The following SLC24A3 variants were observed in gnomAD, a reference collection of about 807,000 sequenced individuals.
SLC24A3 encodes sodium/potassium/calcium exchanger 3.
In SLC24A3, 28 loss-of-function variants were observed where a neutral mutation model predicts 75.8. The observed-to-expected ratio is 0.37, with a 90% CI of 0.27 to 0.51. The LOEUF (loss-of-function observed/expected upper bound fraction) is 0.51. SLC24A3 is among the 20% of genes least tolerant of loss of function. The pLI is 0.94. For synonymous variants in SLC24A3, 372 were observed against 334.1 expected, an observed-to-expected ratio of 1.11 and a Z score of -1.24; for missense variants, 663 against 847.8, an observed-to-expected ratio of 0.78 and a Z score of 2.71.
intron 1 of SLC24A3, among the ~76,000 whole-genome samples, chr20:19,236,945 C>T (rs1443221048): frequency 6.6e-6 from 1 of 152,080 alleles, no homozygotes; most frequent in African/African-American, 2.4e-5. Flanking sequence ...GGTAGAGTTT[C>T]CCTCTTCTTT....
chr20:19,376,487 G>A (rs1033455126), intron 2 of SLC24A3, among the ~76,000 whole-genome samples: 5 of 152,208 alleles, frequency 3.3e-5, no homozygotes, highest in African/African-American at 9.7e-5. Flanking sequence ...CCGTAGCGTG[G>A]ATAATCGTGG....
chr20:19,496,271 C>T (rs1249192261), intron 2 of SLC24A3, among the ~76,000 whole-genome samples: 1 of 152,176 alleles, frequency 6.6e-6, no homozygotes, highest in Non-Finnish European at 1.5e-5. Flanking sequence ...CAGCAAGGCC[C>T]GATAGGCATG....
chr20:19,538,502 G>A (rs1289206714), intron 3 of SLC24A3, among the ~76,000 whole-genome samples: 2 of 152,074 alleles, frequency 1.3e-5, no homozygotes, highest in Non-Finnish European at 2.9e-5. Flanking sequence ...TGTTCAAATG[G>A]CCAATAAACA....
At chr20:19,425,740 A>C (rs190511374) in intron 2 of SLC24A3, among the ~76,000 whole-genome samples, 31 of 152,008 alleles carry the variant, frequency 2.0e-4, no homozygotes, top group African/African-American at 7.2e-4. Context: ...CTCCCACCAC[A>C]CACTTCTTTA....
At chr20:19,457,633 T>G (rs1756752287) in intron 2 of SLC24A3, among the ~76,000 whole-genome samples, 1 of 152,204 alleles carries the variant, frequency 6.6e-6, no homozygotes, top group South Asian at 2.1e-4. Flanking sequence ...AAACTGGATC[T>G]CTGGGCTGTC....
chr20:19,288,121 T>C (rs1162957845), intron 2 of SLC24A3, among the ~76,000 whole-genome samples: 2 of 152,240 alleles, frequency 1.3e-5, no homozygotes, highest in Non-Finnish European at 2.9e-5. Flanking sequence ...GGGAATAAGA[T>C]TGTTTTAATG....
intron 1 of SLC24A3, among the ~76,000 whole-genome samples, chr20:19,245,652 A>G (rs1272213989): frequency 2.0e-5 from 3 of 152,194 alleles, no homozygotes; most frequent in Admixed American, 6.5e-5. Context: ...AAAAGACACC[A>G]TTGGATTAGG....
chr20:19,355,946 A>T (rs893846339), intron 2 of SLC24A3, among the ~76,000 whole-genome samples: 1 of 152,218 alleles, frequency 6.6e-6, no homozygotes, highest in African/African-American at 2.4e-5. Context: ...GAAGTTATTT[A>T]AAAACATATG....
At chr20:19,680,661 C>T (rs945924117) in intron 9 of SLC24A3, among the ~76,000 whole-genome samples, 1 of 152,214 alleles carries the variant, frequency 6.6e-6, no homozygotes, top group African/African-American at 2.4e-5. Context: ...GTAGTAACTG[C>T]ACGTTCCTAG....
At chr20:19,524,228 G>A (rs547945666) in intron 3 of SLC24A3, among the ~76,000 whole-genome samples, 69 of 152,148 alleles carry the variant, frequency 4.5e-4, no homozygotes, top group South Asian at 1.5e-3. Context: ...TAAATGACAC[G>A]CACTGAAAAC....
intron 2 of SLC24A3, among the ~76,000 whole-genome samples, chr20:19,347,561 A>G (rs1985454927): frequency 6.6e-6 from 1 of 152,246 alleles, no homozygotes; most frequent in Non-Finnish European, 1.5e-5. Flanking sequence ...CTATTGACAA[A>G]TGACAAGAAA....
chr20:19,247,411 G>A (rs1982526891), intron 1 of SLC24A3, among the ~76,000 whole-genome samples: 1 of 152,190 alleles, frequency 6.6e-6, no homozygotes, highest in African/African-American at 2.4e-5. Flanking sequence ...TTTCTGAAAT[G>A]TCTTCCACTC....
intron 15 of SLC24A3, among the ~76,000 whole-genome samples, chr20:19,705,126 C>T (rs977687765): frequency 6.6e-6 from 1 of 152,164 alleles, no homozygotes; most frequent in African/African-American, 2.4e-5. Context: ...CTTATTAATG[C>T]TTAGGTGGCT....
intron 2 of SLC24A3, among the ~76,000 whole-genome samples, chr20:19,453,474 A>G (rs540185986): frequency 1.3e-5 from 2 of 152,324 alleles, no homozygotes; most frequent in African/African-American, 4.8e-5. Context: ...GGTGGAGACA[A>G]GGAACATACT....
chr20:19,316,497 C>G (rs537298644), intron 2 of SLC24A3, among the ~76,000 whole-genome samples: 1 of 152,352 alleles, frequency 6.6e-6, no homozygotes, highest in East Asian at 1.9e-4. Flanking sequence ...CCTGTTTAAT[C>G]TGAGCTATGG....
rs1981435627 is a variant in SLC24A3, at chr20:19,212,725, G to A, written c.-118G>A. 1.2e-6 allele frequency: 1 copy of A among 810,582 alleles called. No individual in the cohort carries two copies. The highest frequency in any genetic ancestry group is 1.5e-6 in the Non-Finnish European group (1 of 672,322). 50.2% of individuals were successfully genotyped at this position (810,582 alleles called of 1,614,324 possible). On this transcript the variant is annotated 5_prime_UTR_variant, in exon 1 of 17. Coordinates refer to ENST00000328041, the MANE Select transcript of SLC24A3 (RefSeq NM_020689.4). ...AGGCGGAGGCGGCGGCCGGGTGGGAGCGCAGCGAGGACGCGCGGCTGCTGC... is the reference window on the plus strand; with the variant it reads ...AGGCGGAGGCGGCGGCCGGGTGGGAACGCAGCGAGGACGCGCGGCTGCTGC...
chr20:19,285,947 T>G (rs1290317912), intron 2 of SLC24A3, among the ~76,000 whole-genome samples: 2 of 152,236 alleles, frequency 1.3e-5, no homozygotes, highest in Non-Finnish European at 2.9e-5. Flanking sequence ...TTTTGGTTTT[T>G]GGTTCCTTGA....
At chr20:19,639,907 C>T (rs567561420) in intron 6 of SLC24A3, among the ~76,000 whole-genome samples, 1 of 152,368 alleles carries the variant, frequency 6.6e-6, no homozygotes, top group Non-Finnish European at 1.5e-5. Context: ...GCCGGCAGGG[C>T]CGGCTGGCCG....
intron 6 of SLC24A3, among the ~76,000 whole-genome samples, chr20:19,615,214 G>A (rs907221447): frequency 1.3e-5 from 2 of 152,124 alleles, no homozygotes; most frequent in African/African-American, 4.8e-5. Context: ...GAGTCCGGAA[G>A]TTGTAAATGA....
Sources: allele counts gnomAD v4.1 joint callset (sites outside exome capture counted in the v4.1 genomes callset), GRCh38; gene constraint gnomAD v4.1.1; transcripts MANE v1.5; gene names NCBI Gene and HGNC (gene_info 2026-07-23, HGNC 2026-07-21).